Variants in CFAP52 observed in about 807,000 individuals in gnomAD.
CFAP52 encodes the protein cilia and flagella associated protein 52, also known as cilia- and flagella-associated protein 52.
CFAP52 carries 57 observed loss-of-function variants against 70.5 expected under a neutral mutation model. The ratio of observed to expected loss-of-function variants is 0.81; its 90% CI spans 0.65 to 1.01. CFAP52 has a LOEUF of 1.01. Ranked by LOEUF, CFAP52 falls within the 50% of genes least tolerant of loss-of-function variation. CFAP52 has a pLI of 0.00. For missense variants in CFAP52, 785 were observed against 788.5 expected, an observed-to-expected ratio of 1.00 and a Z score of 0.05; for synonymous variants, 267 against 292.5, an observed-to-expected ratio of 0.91 and a Z score of 0.89.
intron 8 of CFAP52, among the ~76,000 whole-genome samples, chr17:9,613,477 G>A (rs1014095445): frequency 1.3e-5 from 2 of 151,076 alleles, no homozygotes; most frequent in African/African-American, 4.9e-5. Flanking sequence ...TTTTTGTTTT[G>A]TTTTGTTTTT....
intron 1 of CFAP52, among the ~76,000 whole-genome samples, chr17:9,578,344 T>A (rs190581959): frequency 1.3e-5 from 2 of 152,288 alleles, no homozygotes; most frequent in Admixed American, 1.3e-4. Flanking sequence ...CCAGAGGTAG[T>A]CCGTGGTGAG....
chr17:9,611,501 CG>C (rs1374617800), intron 7 of CFAP52, among the ~76,000 whole-genome samples: 2 of 151,910 alleles, frequency 1.3e-5, no homozygotes, highest in Non-Finnish European at 2.9e-5. Flanking sequence ...ACTATAGGTG[CG>C]CACCACCACA....
At chr17:9,625,265 C>T (rs1910194733) in intron 8 of CFAP52, among the ~76,000 whole-genome samples, 1 of 151,696 alleles carries the variant, frequency 6.6e-6, no homozygotes. Context: ...TCTTGGTATT[C>T]CCCCCATACA....
intron 8 of CFAP52, among the ~76,000 whole-genome samples, chr17:9,626,586 T>C (rs1040489101): frequency 2.6e-5 from 4 of 152,228 alleles, no homozygotes; most frequent in Admixed American, 2.0e-4. Flanking sequence ...GAGTGGTCCA[T>C]GAGTACACCT....
At chr17:9,589,784 T>C (rs1372389647) in intron 3 of CFAP52, 4 of 138,868 alleles carry the variant, frequency 2.9e-5, no homozygotes, top group African/African-American at 5.4e-5. Flanking sequence ...AATCCCCTGT[T>C]AACATTCTTA....
chr17:9,586,666 C>G, intron 2 of CFAP52, 32 bp from the exon 3 acceptor site: 1 of 1,582,976 alleles, frequency 6.3e-7, no homozygotes, highest in African/African-American at 1.4e-5. Flanking sequence ...TTAATGCCTC[C>G]CTATGATCTG....
At chr17:9,604,461 C>T (rs1405328886) in intron 6 of CFAP52, among the ~76,000 whole-genome samples, 1 of 152,134 alleles carries the variant, frequency 6.6e-6, no homozygotes, top group Non-Finnish European at 1.5e-5. Context: ...ACTGCCACCT[C>T]CCCTAAAGAA....
At chr17:9,644,084 G>A (rs954100059), downstream of CFAP52, among the ~76,000 whole-genome samples, 3 of 152,164 alleles carry the variant, frequency 2.0e-5, no homozygotes, top group Non-Finnish European at 4.4e-5. Context: ...CTGTAACCCG[G>A]TTTGAAAGAT....
intron 1 of CFAP52, among the ~76,000 whole-genome samples, chr17:9,584,538 A>G (rs1186372208): frequency 6.6e-6 from 1 of 152,214 alleles, no homozygotes; most frequent in Non-Finnish European, 1.5e-5. Flanking sequence ...TAACATATTC[A>G]CTTCACATAG....
intron 11 of CFAP52, among the ~76,000 whole-genome samples, chr17:9,636,088 C>T (rs551589859): frequency 2.0e-5 from 3 of 151,834 alleles, no homozygotes; most frequent in South Asian, 2.1e-4. Flanking sequence ...GCAGGAGAGT[C>T]GCTTGAACCC....
chr17:9,632,749 C>T, intron 9 of CFAP52, 139 bp from the exon 10 acceptor site: 1 of 1,266,294 alleles, frequency 7.9e-7, no homozygotes, highest in African/African-American at 1.6e-5. Flanking sequence ...CTATGGTGAC[C>T]AGCATTCAGC....
At chr17:9,593,106 G>A (rs1908836858) in intron 3 of CFAP52, among the ~76,000 whole-genome samples, 1 of 152,110 alleles carries the variant, frequency 6.6e-6, no homozygotes, top group South Asian at 2.1e-4. Flanking sequence ...TAGAAAAGTT[G>A]GGAAATATAG....
intron 3 of CFAP52, among the ~76,000 whole-genome samples, chr17:9,592,973 C>T (rs1908831636): frequency 6.6e-6 from 1 of 152,146 alleles, no homozygotes; most frequent in East Asian, 1.9e-4. Flanking sequence ...TTGATGGTAT[C>T]TGTTAATGTC....
intron 5 of CFAP52, 91 bp from the exon 6 acceptor site, chr17:9,599,976 G>C: frequency 2.0e-6 from 2 of 995,242 alleles, no homozygotes; most frequent in Non-Finnish European, 3.2e-6. Flanking sequence ...CCTGACCTCA[G>C]GTGATCCACC....
intron 6 of CFAP52, among the ~76,000 whole-genome samples, chr17:9,605,699 A>AAAAAG (rs1909462076): frequency 1.7e-4 from 1 of 6,046 alleles, no homozygotes; most frequent in African/African-American, 1.9e-4. Flanking sequence ...CATCTGAAAA[A>AAAAAG]AAAAAAAAAA....
chr17:9,599,109 C>A (rs1467072477), intron 5 of CFAP52, among the ~76,000 whole-genome samples: 3 of 152,080 alleles, frequency 2.0e-5, no homozygotes, highest in African/African-American at 7.2e-5. Context: ...ATGCATATAG[C>A]CAGAAGTGTT....
chr17:9,636,208 A>AAAGAAAGAAAGAAAGAAAGAAAGG (rs1910785197), intron 11 of CFAP52, among the ~76,000 whole-genome samples: 1 of 134,794 alleles, frequency 7.4e-6, no homozygotes, highest in Non-Finnish European at 1.6e-5. Flanking sequence ...AGAAAGAAAG[A>AAAGAAAGAAAGAAAGAAAGAAAGG]AAGAAAGAAA....
intron 6 of CFAP52, among the ~76,000 whole-genome samples, chr17:9,604,515 C>A (rs569837556): frequency 6.6e-6 from 1 of 152,184 alleles, no homozygotes; most frequent in African/African-American, 2.4e-5. Flanking sequence ...TGCCTGTAAT[C>A]CCAGCACTTT....
Position 9,631,020 on chromosome 17 carries a change from A to AGAGAGAG in CFAP52, c.1175-1868_1175-1867insGAGAGAG, listed in dbSNP as rs1567634788. Among the ~76,000 whole-genome samples the AGAGAGAG allele has an allele frequency of 1.4e-3, 56 of 39,344 alleles. 1 individual carries two copies. The highest frequency in any genetic ancestry group is 4.2e-3 in the Admixed American group (14 of 3,352). 25.8% of individuals were successfully genotyped at this position (39,344 alleles called of 152,430 possible). A position where few individuals can be genotyped will look rare whatever the true frequency, so the allele number is the denominator to read the frequency against. On this transcript the variant is annotated intron_variant, in intron 9 of 13. Coordinates refer to ENST00000352665, the MANE Select transcript of CFAP52 (RefSeq NM_145054.5). Reference sequence around the variant, plus strand: ...AAAGAAAGAAAGAAAGAAAGAAAGAAAGAAAGAAAGAGAGAGAGAGAGAGA... The same window carrying AGAGAGAG: ...AAAGAAAGAAAGAAAGAAAGAAAGAAGAGAGAGAGAAAGAAAGAGAGAGAGAGAGAGA...
Sources: allele counts gnomAD v4.1 joint callset (sites outside exome capture counted in the v4.1 genomes callset), GRCh38; gene constraint gnomAD v4.1.1; transcripts MANE v1.5; gene names NCBI Gene and HGNC (gene_info 2026-07-23, HGNC 2026-07-21).